The following MAP7 variants were observed in gnomAD, a reference collection of about 807,000 sequenced individuals.
The protein encoded by MAP7 is ensconsin.
Under a neutral mutation model 94.8 loss-of-function variants are expected in MAP7, and 52 were observed. That is an observed-to-expected ratio of 0.55 (90% CI 0.44 to 0.69). MAP7 has a LOEUF of 0.69. Ranked by LOEUF, MAP7 falls within the 30% of genes least tolerant of loss-of-function variation. The pLI, the probability that MAP7 is intolerant of heterozygous loss-of-function variation, is 0.00. For missense variants in MAP7, 940 were observed against 964.6 expected, an observed-to-expected ratio of 0.97 and a Z score of 0.34; for synonymous variants, 350 against 357.0, an observed-to-expected ratio of 0.98 and a Z score of 0.22.
At chr6:136,367,881 CT>C (rs11403174) in intron 8 of MAP7, among the ~76,000 whole-genome samples, 1 of 150,602 alleles carries the variant, frequency 6.6e-6, no homozygotes, top group East Asian at 2.0e-4. Context: ...AGTAGCCCTT[CT>C]TTTTTTTTCT....
intron 1 of MAP7, among the ~76,000 whole-genome samples, chr6:136,540,545 A>C (rs742304): frequency 0.12 from 18,335 of 152,198 alleles, 2,800 homozygotes; most frequent in African/African-American, 0.36. Flanking sequence ...TGTACTCATA[A>C]CTGTATTCAC....
In MAP7 at chr6:136,362,723, A is replaced by G; in HGVS notation, c.1274-21T>C. 3 of 1,535,704 alleles carry G rather than the reference A, an allele frequency of 2.0e-6. No homozygotes were observed. The South Asian group carries it at 3.7e-5, about 19-fold the overall frequency. The stretch of plus-strand genomic sequence containing the variant: ...AGCAGCTGCACAAATAGGTACAAGG[A>G]GAAAACCAGTTGGAAACAAAATCCA... On this transcript the variant is annotated intron_variant, in intron 10 of 17. Transcript: ENST00000354570.
At chr6:136,369,224 C>A (rs541065519) in intron 8 of MAP7, among the ~76,000 whole-genome samples, 8 of 152,130 alleles carry the variant, frequency 5.3e-5, no homozygotes, top group Non-Finnish European at 1.0e-4. Context: ...TAGAGATACT[C>A]AATTGGTGAA....
At chr6:136,346,302 C>T (rs1219909205) in intron 16 of MAP7, among the ~76,000 whole-genome samples, 2 of 152,080 alleles carry the variant, frequency 1.3e-5, no homozygotes, top group Non-Finnish European at 2.9e-5. Context: ...GTGGCTCATG[C>T]CTGTAATCCT....
chr6:136,493,590 A>G (rs979109708), intron 1 of MAP7, among the ~76,000 whole-genome samples: 5 of 152,064 alleles, frequency 3.3e-5, no homozygotes, highest in African/African-American at 1.2e-4. Flanking sequence ...TTCTATTTTC[A>G]ACTTTTGAAG....
chr6:136,481,687 T>G (rs1812897136), intron 1 of MAP7, among the ~76,000 whole-genome samples: 1 of 152,118 alleles, frequency 6.6e-6, no homozygotes, highest in Non-Finnish European at 1.5e-5. Flanking sequence ...TAGAATAAGA[T>G]CTCATATTTG....
At position 136,355,993 on chromosome 6, in the gene MAP7, T is replaced by C. The variant is rs897648203; in HGVS notation, c.2015+699A>G. Among the ~76,000 whole-genome samples the C allele has an allele frequency of 3.9e-5, 6 of 152,332 alleles. 1 individual carries two copies. Among genetic ancestry groups the C allele is most frequent in the Admixed American group, 3.3e-4 (5 of 15,298 alleles). ...TCTGGTTCTTCAATAAGAAGCCCTG[T>C]TATTAATAATATAAGAAATACTGAC... is the stretch of plus-strand genomic sequence containing the variant. On this transcript the variant is annotated intron_variant, in intron 16 of 17. Transcript: ENST00000354570.
chr6:136,486,903 GGTAAGTAAAC>G (rs1210157851), intron 1 of MAP7, among the ~76,000 whole-genome samples: 1 of 152,038 alleles, frequency 6.6e-6, no homozygotes. Flanking sequence ...TTTGACAAAA[GGTAAGTAAAC>G]TTTATTTATA....
chr6:136,495,633 G>C (rs951454568), intron 1 of MAP7, among the ~76,000 whole-genome samples: 8 of 152,238 alleles, frequency 5.3e-5, no homozygotes, highest in African/African-American at 1.9e-4. Flanking sequence ...TACTCAACCT[G>C]TATAAGTTTT....
At position 136,345,936 on chromosome 6, in the gene MAP7, T is replaced by C; in HGVS notation, c.2159A>G (p.Asn720Ser). Residue 720 changes from asparagine to serine, a missense_variant, in exon 17 of 18, where the codon AAT (asparagine) becomes AGT (serine). Asn to Ser is a conservative substitution (Grantham distance 46). Coordinates refer to ENST00000354570, the MANE Select transcript of MAP7 (RefSeq NM_003980.6). ...TNSESPEIPL[N>S]PILAFDDEGT... Reference sequence around the variant, plus strand: ...TTCATCATCAAAGGCCAAAATTGGATTCAAAGGAATTTCTGGGCTCTCACT... The same window carrying C: ...TTCATCATCAAAGGCCAAAATTGGACTCAAAGGAATTTCTGGGCTCTCACT... 1 of 1,614,108 alleles carries C rather than the reference T, an allele frequency of 6.2e-7. No individual in the cohort carries two copies. Among genetic ancestry groups the C allele is most frequent in the Non-Finnish European group, 8.5e-7 (1 of 1,180,018 alleles).
At chr6:136,376,244 G>A (rs1309806316) in intron 7 of MAP7, among the ~76,000 whole-genome samples, 2 of 151,970 alleles carry the variant, frequency 1.3e-5, no homozygotes, top group Non-Finnish European at 2.9e-5. Context: ...GACTACAGGC[G>A]CCCGCCACCA....
chr6:136,533,407 C>T (rs1052970488), intron 1 of MAP7, among the ~76,000 whole-genome samples: 3 of 152,156 alleles, frequency 2.0e-5, no homozygotes, highest in Non-Finnish European at 4.4e-5. Context: ...TACTAAAGAA[C>T]AGCAAACCAA....
chr6:136,541,666 C>T (rs1829330925), intron 1 of MAP7, among the ~76,000 whole-genome samples: 1 of 152,264 alleles, frequency 6.6e-6, no homozygotes, highest in Admixed American at 6.5e-5. Context: ...TCTCATGATT[C>T]TTTTTTTCAC....
chr6:136,491,080 AAT>A (rs1816445755), intron 1 of MAP7, among the ~76,000 whole-genome samples: 1 of 152,216 alleles, frequency 6.6e-6, no homozygotes, highest in Non-Finnish European at 1.5e-5. Context: ...TTCTGCCTAG[AAT>A]AATGATGCTT....
At position 136,378,444 on chromosome 6, in the gene MAP7, G is replaced by A. The variant is rs145624912; in HGVS notation, c.638-576C>T. ...GATATAATAAAATGAAAGAAGATTC[G>A]TGCAAAGTTCTGTATGGGAATCCTT... On this transcript the variant is annotated intron_variant, in intron 6 of 17. Coordinates refer to ENST00000354570, the MANE Select transcript of MAP7 (RefSeq NM_003980.6). Among the ~76,000 whole-genome samples the A allele has an allele frequency of 3.3e-5, 5 of 152,320 alleles. No homozygotes were observed. The East Asian group carries it at 7.7e-4, about 24-fold the overall frequency.
intron 1 of MAP7, among the ~76,000 whole-genome samples, chr6:136,457,889 C>T (rs1336188426): frequency 1.3e-5 from 2 of 152,130 alleles, no homozygotes; most frequent in Non-Finnish European, 2.9e-5. Flanking sequence ...AGGAACAAGG[C>T]AAGGATGCCC....
At position 136,354,733 on chromosome 6, in the gene MAP7, T is replaced by C. The variant is rs1031974505; in HGVS notation, c.2015+1959A>G. On this transcript the variant is annotated intron_variant, in intron 16 of 17. Transcript: ENST00000354570. ...GATGACACCAGTAAGTTCATTTTGGTTTCATTACAAATTGTTGCTTTTCTG... is the reference window on the plus strand; with the variant it reads ...GATGACACCAGTAAGTTCATTTTGGCTTCATTACAAATTGTTGCTTTTCTG... Among the ~76,000 whole-genome samples, 31 of 152,042 alleles carry C rather than the reference T, an allele frequency of 2.0e-4. 1 individual carries two copies. The highest frequency in any genetic ancestry group is 5.8e-4 in the African/African-American group (24 of 41,414).
intron 1 of MAP7, among the ~76,000 whole-genome samples, chr6:136,425,226 T>C (rs146654476): frequency 6.6e-6 from 1 of 152,354 alleles, no homozygotes; most frequent in Non-Finnish European, 1.5e-5. Flanking sequence ...TCTGAAGTTT[T>C]CCATTTAATA....
At chr6:136,366,515 C>A in intron 8 of MAP7, 76 bp from the exon 9 acceptor site, 10 of 1,002,894 alleles carry the variant, frequency 1.0e-5, no homozygotes, top group Non-Finnish European at 1.6e-5. Flanking sequence ...AACAGTGGAG[C>A]TAGAAACCAT....
Sources: allele counts gnomAD v4.1 joint callset (sites outside exome capture counted in the v4.1 genomes callset), GRCh38; gene constraint gnomAD v4.1.1; transcripts MANE v1.5; gene names NCBI Gene and HGNC (gene_info 2026-07-23, HGNC 2026-07-21).